The following STXBP5L variants were observed in gnomAD, a reference collection of about 807,000 sequenced individuals.
STXBP5L encodes syntaxin binding protein 5L.
Under a neutral mutation model 144.5 loss-of-function variants are expected in STXBP5L, and 65 were observed. The ratio of observed to expected loss-of-function variants is 0.45; its 90% CI spans 0.37 to 0.55. The LOEUF (loss-of-function observed/expected upper bound fraction) is 0.55, where lower values mean the gene tolerates loss of function less well. Among genes scored for constraint, STXBP5L ranks in the 20% least tolerant of loss-of-function variants. The pLI, the probability that STXBP5L is intolerant of heterozygous loss-of-function variation, is 0.00. For synonymous variants in STXBP5L, 505 were observed against 469.6 expected (o/e 1.08, Z -0.97); for missense variants, 1,298 against 1,405.5 (o/e 0.92, Z 1.22).
At chr3:121,105,153 T>C (rs958856236) in intron 5 of STXBP5L, among the ~76,000 whole-genome samples, 1 of 152,090 alleles carries the variant, frequency 6.6e-6, no homozygotes, top group Non-Finnish European at 1.5e-5. Flanking sequence ...ATCACAGCAC[T>C]TTAGGAAGCC....
chr3:121,241,837 A>T (rs1385792561), intron 14 of STXBP5L, among the ~76,000 whole-genome samples: 1 of 152,196 alleles, frequency 6.6e-6, no homozygotes, highest in East Asian at 1.9e-4. Flanking sequence ...AAGATAAATT[A>T]TTGTCAAACT....
chr3:121,018,627 A>G (rs1345493216), intron 3 of STXBP5L, among the ~76,000 whole-genome samples: 1 of 152,028 alleles, frequency 6.6e-6, no homozygotes, highest in Non-Finnish European at 1.5e-5. Context: ...AAATTATAAA[A>G]CTCTTAGAAG....
chr3:121,320,943 C>T (rs1236190533), intron 20 of STXBP5L, among the ~76,000 whole-genome samples: 2 of 152,156 alleles, frequency 1.3e-5, no homozygotes, highest in African/African-American at 4.8e-5. Flanking sequence ...TGGTGATCTG[C>T]CCGCCTCGGC....
chr3:120,998,703 T>C (rs1943544322), intron 3 of STXBP5L, among the ~76,000 whole-genome samples: 1 of 152,092 alleles, frequency 6.6e-6, no homozygotes, highest in Non-Finnish European at 1.5e-5. Flanking sequence ...CAAAAATCAA[T>C]AGCATTCCTA....
chr3:121,206,536 G>A (rs530799408), intron 10 of STXBP5L, among the ~76,000 whole-genome samples: 25 of 152,240 alleles, frequency 1.6e-4, no homozygotes, highest in African/African-American at 6.0e-4. Context: ...CCGGCTGGGT[G>A]CCCTGCCTCA....
intron 20 of STXBP5L, among the ~76,000 whole-genome samples, chr3:121,343,853 C>T (rs144869148): frequency 0.017 from 2,512 of 152,170 alleles, 69 homozygotes; most frequent in African/African-American, 0.057. Flanking sequence ...AATGCCATCC[C>T]CATCAGGCTA....
chr3:121,041,778 T>C lies in STXBP5L; in HGVS notation c.366T>C (p.Asn122=), dbSNP rs768395893. 6 of 1,610,846 alleles carry C rather than the reference T, an allele frequency of 3.7e-6. No homozygotes were observed. Among genetic ancestry groups the C allele is most frequent in the Non-Finnish European group, 4.2e-6 (5 of 1,177,660 alleles). ...AAVLQLQFLI[N]EGALVSASSD... ...TCCTACAGCTCCAATTTTTGATCAA[T>C]GAGGTAAGGATTATTTTTTGACTAC... Residue 122 remains asparagine, a synonymous_variant, in exon 4 of 27, where the codon AAT becomes AAC. Transcript: ENST00000471454.
At chr3:120,998,614 G>C (rs1472758293) in intron 3 of STXBP5L, among the ~76,000 whole-genome samples, 6 of 152,016 alleles carry the variant, frequency 3.9e-5, no homozygotes, top group Non-Finnish European at 5.9e-5. Context: ...CTCCTAATTA[G>C]GAGTGAGAAC....
intron 5 of STXBP5L, among the ~76,000 whole-genome samples, chr3:121,095,352 G>A (rs1011525529): frequency 1.3e-5 from 2 of 152,150 alleles, no homozygotes; most frequent in Non-Finnish European, 2.9e-5. Context: ...GGTTGGGGAA[G>A]TTCTCTTGGA....
intron 2 of STXBP5L, among the ~76,000 whole-genome samples, chr3:120,927,542 G>A (rs1709702256): frequency 6.6e-6 from 1 of 152,218 alleles, no homozygotes; most frequent in South Asian, 2.1e-4. Context: ...GGGGAAGCTG[G>A]TTGTCTACCT....
At chr3:121,074,758 C>T (rs138889792) in intron 5 of STXBP5L, among the ~76,000 whole-genome samples, 5 of 152,252 alleles carry the variant, frequency 3.3e-5, no homozygotes, top group South Asian at 2.1e-4. Flanking sequence ...GGTTTAGAGT[C>T]GTGCCCCCTT....
intron 8 of STXBP5L, among the ~76,000 whole-genome samples, chr3:121,153,698 A>C (rs1429078724): frequency 6.6e-6 from 1 of 151,946 alleles, no homozygotes; most frequent in Non-Finnish European, 1.5e-5. Flanking sequence ...ATTCGTTATC[A>C]GTCATTCTCA....
intron 7 of STXBP5L, among the ~76,000 whole-genome samples, chr3:121,138,430 A>G (rs1409437405): frequency 6.6e-6 from 1 of 152,146 alleles, no homozygotes; most frequent in African/African-American, 2.4e-5. Flanking sequence ...ATGGAACCAT[A>G]AGAGACTCTA....
At chr3:121,236,004 A>T (rs2049470764) in intron 12 of STXBP5L, among the ~76,000 whole-genome samples, 1 of 152,206 alleles carries the variant, frequency 6.6e-6, no homozygotes, top group Admixed American at 6.5e-5. Flanking sequence ...ACAGACCTGG[A>T]ACAGATATAG....
intron 5 of STXBP5L, among the ~76,000 whole-genome samples, chr3:121,052,481 C>G (rs551391434): frequency 6.6e-6 from 1 of 152,146 alleles, no homozygotes; most frequent in South Asian, 2.1e-4. Flanking sequence ...ATAAACAGAA[C>G]CAAAGGCAAA....
At chr3:120,912,150 G>A (rs757921340) in intron 2 of STXBP5L, among the ~76,000 whole-genome samples, 5 of 151,918 alleles carry the variant, frequency 3.3e-5, no homozygotes, top group South Asian at 2.1e-4. Flanking sequence ...TGTTCGTTCC[G>A]TCATATTTTC....
chr3:121,068,211 T>A (rs543920814), intron 5 of STXBP5L, among the ~76,000 whole-genome samples: 2 of 152,168 alleles, frequency 1.3e-5, no homozygotes, highest in African/African-American at 4.8e-5. Context: ...GGTTTCACCA[T>A]GTTGGCCATG....
At position 121,423,679 on chromosome 3, in the gene STXBP5L, G is replaced by GA. The variant is rs907197027; in HGVS notation, c.*4585dup. The GA allele has an allele frequency of 4.6e-5, 7 of 152,150 alleles. No individual in the cohort carries two copies. The highest frequency in any genetic ancestry group is 1.7e-4 in the African/African-American group (7 of 41,446). 9.4% of individuals were successfully genotyped at this position (152,150 alleles called of 1,614,324 possible). ...GTGGGAACCAGACACCAATATTTGC[G>GA]AAAGCCTCCAAGGCGGTTCTAATGT... is the stretch of plus-strand genomic sequence containing the variant. On this transcript the variant is annotated 3_prime_UTR_variant, in exon 27 of 27. Coordinates refer to ENST00000471454, the MANE Select transcript of STXBP5L (RefSeq NM_001308330.2).
intron 19 of STXBP5L, among the ~76,000 whole-genome samples, chr3:121,286,803 G>T (rs2051247752): frequency 6.9e-6 from 1 of 145,968 alleles, no homozygotes; most frequent in Non-Finnish European, 1.5e-5. Flanking sequence ...GAAAACAATG[G>T]TTTTTAAGAC....
Sources: gnomAD v4.1 joint callset for allele counts (sites outside exome capture counted in the v4.1 genomes callset) on GRCh38, gnomAD v4.1.1 for gene constraint, MANE v1.5 for transcripts, NCBI Gene and HGNC (gene_info 2026-07-23, HGNC 2026-07-21) for gene names.